Variants in ISOC2 observed in about 807,000 individuals in gnomAD.
The protein encoded by ISOC2 is isochorismatase domain-containing protein 2.
ISOC2 carries 15 observed loss-of-function variants against 19.3 expected under a neutral mutation model. That is an observed-to-expected ratio of 0.78 (90% CI 0.52 to 1.20). The LOEUF is 1.20. ISOC2 is among the 50% of genes most tolerant of loss of function. The pLI, the probability that ISOC2 is intolerant of heterozygous loss-of-function variation, is 0.00. For missense variants in ISOC2, 285 were observed against 272.4 expected, an observed-to-expected ratio of 1.05 and a Z score of -0.33; for synonymous variants, 106 against 115.8, an observed-to-expected ratio of 0.92 and a Z score of 0.54.
At chr19:55,460,254 A>G (rs536884903) in intron 1 of ISOC2, among the ~76,000 whole-genome samples, 2 of 152,340 alleles carry the variant, frequency 1.3e-5, no homozygotes, top group South Asian at 2.1e-4. Context: ...ATACGAAAAC[A>G]TGTTTGAGAG....
chr19:55,461,216 A>G (rs1340639255), intron 1 of ISOC2, among the ~76,000 whole-genome samples: 2 of 151,736 alleles, frequency 1.3e-5, no homozygotes, highest in Non-Finnish European at 2.9e-5. Flanking sequence ...CCGGCCTTGG[A>G]GCCCGGACTT....
At chr19:55,455,902 G>T (rs1226814540) in intron 2 of ISOC2, 57 bp from the exon 3 acceptor site, 1 of 1,378,752 alleles carries the variant, frequency 7.3e-7, no homozygotes, top group Non-Finnish European at 9.7e-7. Context: ...GCTGGGCCTG[G>T]ACTCCTGGGT....
chr19:55,453,399 A>AG lies in ISOC2; in HGVS notation c.538-12dup, dbSNP rs759943250. 8 of 1,590,650 alleles carry AG rather than the reference A, an allele frequency of 5.0e-6. No homozygotes were observed. In the African/African-American group the frequency reaches 9.4e-5, roughly 19 times the overall value. On this transcript the variant is annotated splice_polypyrimidine_tract_variant and intron_variant, in intron 5 of 5. Transcript: ENST00000425675. ...GATGAGTTTCTGGATCTGTAAGGGC[A>AG]GGGGGCGATGGGTCAGGAAGCGTCT... is the stretch of plus-strand genomic sequence containing the variant.
Position 55,455,124 on chromosome 19 carries a change from G to GCACCACTCTGTCTCATGCGGGCCA in ISOC2, c.420-19_420-18insTGGCCCGCATGAGACAGAGTGGTG. 1 of 1,584,138 alleles carries GCACCACTCTGTCTCATGCGGGCCA rather than the reference G, an allele frequency of 6.3e-7. No individual in the cohort carries two copies. The highest frequency in any genetic ancestry group is 8.7e-7 in the Non-Finnish European group (1 of 1,155,430). On this transcript the variant is annotated intron_variant, in intron 4 of 5. Coordinates refer to ENST00000425675, the MANE Select transcript of ISOC2 (RefSeq NM_001136201.2). ...CCACCTGGCTGTGAGTGGGAGGGAG[G>GCACCACTCTGTCTCATGCGGGCCA]GAGGGAAGGTTGGTGTGGACGCCGC...
At chr19:55,459,747 G>A (rs1375008846) in intron 1 of ISOC2, 1 of 152,148 alleles carries the variant, frequency 6.6e-6, no homozygotes, top group East Asian at 1.9e-4. Flanking sequence ...TTCCTCCCCT[G>A]TGCAGGAGGC....
In ISOC2 at chr19:55,453,395, G is replaced by A; in HGVS notation, c.538-7C>T. 1 of 1,592,720 alleles carries A rather than the reference G, an allele frequency of 6.3e-7. No individual in the cohort carries two copies. The highest frequency in any genetic ancestry group is 8.5e-7 in the Non-Finnish European group (1 of 1,170,348). The stretch of plus-strand genomic sequence containing the variant: ...CCTTGATGAGTTTCTGGATCTGTAA[G>A]GGCAGGGGGCGATGGGTCAGGAAGC... On this transcript the variant is annotated splice_region_variant and splice_polypyrimidine_tract_variant and intron_variant, in intron 5 of 5. Coordinates refer to ENST00000425675, the MANE Select transcript of ISOC2 (RefSeq NM_001136201.2).
At chr19:55,459,231 C>T (rs1020013834) in intron 1 of ISOC2, among the ~76,000 whole-genome samples, 2 of 152,226 alleles carry the variant, frequency 1.3e-5, no homozygotes, top group Non-Finnish European at 2.9e-5. Flanking sequence ...GCCACCGCGC[C>T]TGGCCTATTA....
Position 55,453,148 on chromosome 19 carries a change from GA to G in ISOC2, c.*159del, listed in dbSNP as rs1221747092. On this transcript the variant is annotated 3_prime_UTR_variant, in exon 6 of 6. Coordinates refer to ENST00000425675, the MANE Select transcript of ISOC2 (RefSeq NM_001136201.2). Reference sequence around the variant, plus strand: ...CCAGGAGTCTCATTTGCATTTCCGGGAGCAGCTGTCCAATGGGAAGGCAGCA... The same window carrying G: ...CCAGGAGTCTCATTTGCATTTCCGGGGCAGCTGTCCAATGGGAAGGCAGCA... 3 of 527,482 alleles carry G rather than the reference GA, an allele frequency of 5.7e-6. No individual in the cohort carries two copies. The highest frequency in any genetic ancestry group is 1.0e-5 in the Non-Finnish European group (3 of 296,118). The allele number at this position is 527,482 out of a possible 1,614,324, so 32.7% of individuals were successfully genotyped here. A position where few individuals can be genotyped will look rare whatever the true frequency, so the allele number is the denominator to read the frequency against.
At chr19:55,460,319 A>G (rs1986193959) in intron 1 of ISOC2, among the ~76,000 whole-genome samples, 1 of 152,226 alleles carries the variant, frequency 6.6e-6, no homozygotes. Context: ...GTGCCAAAGA[A>G]AAAAGGGAGA....
chr19:55,454,509 C>T, intron 5 of ISOC2: 1 of 160,952 alleles, frequency 6.2e-6, no homozygotes, highest in Non-Finnish European at 1.4e-5. Flanking sequence ...CCTGGCTGAC[C>T]CCGGTAGCAG....
Position 55,453,179 on chromosome 19 carries a change from G to GC in ISOC2, c.*128dup, listed in dbSNP as rs3214450. 244,682 of 538,260 alleles carry GC rather than the reference G, an allele frequency of 0.45. 55,364 individuals are homozygous for GC. The highest frequency in any genetic ancestry group is 0.58 in the East Asian group (16,103 of 27,774). The allele number at this position is 538,260 out of a possible 1,614,324, so 33.3% of individuals were successfully genotyped here. Reference sequence around the variant, plus strand: ...CTGTCCAATGGGAAGGCAGCACCCTGCCCCCCCCACAAGGGGGCGGCACTC... The same window carrying GC: ...CTGTCCAATGGGAAGGCAGCACCCTGCCCCCCCCCACAAGGGGGCGGCACTC... On this transcript the variant is annotated 3_prime_UTR_variant, in exon 6 of 6. Transcript: ENST00000425675.
chr19:55,460,358 A>C (rs959293258), intron 1 of ISOC2, among the ~76,000 whole-genome samples: 2 of 152,234 alleles, frequency 1.3e-5, no homozygotes, highest in African/African-American at 4.8e-5. Flanking sequence ...GCCTATATCT[A>C]TATCTGCTAT....
chr19:55,458,089 G>A (rs4801646), intron 1 of ISOC2, among the ~76,000 whole-genome samples: 150,481 of 151,324 alleles, frequency 0.99, 74,846 homozygotes, highest in African/African-American at 1. Flanking sequence ...AAGAAAAGAA[G>A]AGAAAGAAAA....
Position 55,455,070 on chromosome 19 carries a change from T to C in ISOC2, c.456A>G (p.Arg152=). The part of the protein sequence containing the change: ...VDRLVALARM[R]QSGAFLSTSE... ...TGGTGGAGAGGAAGGCACCACTCTG[T>C]CTCATGCGGGCCAGAGCCACCAGCC... Residue 152 remains arginine, a synonymous_variant, in exon 5 of 6, where the codon AGA becomes AGG. Coordinates refer to ENST00000425675, the MANE Select transcript of ISOC2 (RefSeq NM_001136201.2). The C allele has an allele frequency of 1.2e-6, 2 of 1,610,616 alleles. No individual in the cohort carries two copies. The highest frequency in any genetic ancestry group is 1.7e-6 in the Non-Finnish European group (2 of 1,178,992).
intron 2 of ISOC2, 165 bp from the exon 3 acceptor site, chr19:55,456,010 A>T: frequency 1.8e-6 from 1 of 556,852 alleles, no homozygotes; most frequent in East Asian, 3.2e-5. Flanking sequence ...CTATGCCTGG[A>T]CTCCTGAGTC....
chr19:55,454,971 C>G lies in ISOC2; in HGVS notation c.537+18G>C, dbSNP rs748982955. ...TTGACAGATGCAGGGGAGGTGGGGG[C>G]GGCCAGGCGGGCATTACCTCCTTGA... On this transcript the variant is annotated intron_variant, in intron 5 of 5. Transcript: ENST00000425675. The G allele has an allele frequency of 1.3e-6, 2 of 1,556,238 alleles. No individual in the cohort carries two copies. The highest frequency in any genetic ancestry group is 3.3e-5 in the Admixed American group (2 of 59,910).
intron 1 of ISOC2, among the ~76,000 whole-genome samples, chr19:55,460,253 C>T (rs993707749): frequency 1.3e-5 from 2 of 152,182 alleles, no homozygotes; most frequent in African/African-American, 4.8e-5. Context: ...AATACGAAAA[C>T]ATGTTTGAGA....
intron 1 of ISOC2, among the ~76,000 whole-genome samples, chr19:55,461,221 G>A (rs1986229311): frequency 6.6e-6 from 1 of 152,016 alleles, no homozygotes; most frequent in South Asian, 2.1e-4. Flanking sequence ...CTTGGAGCCC[G>A]GACTTCCTGG....
intron 3 of ISOC2, 77 bp downstream of exon 3, chr19:55,455,559 G>A (rs1986024344): frequency 1.5e-6 from 2 of 1,294,238 alleles, no homozygotes; most frequent in Non-Finnish European, 2.1e-6. Context: ...GAGGTTTCTG[G>A]TCAGGGAAGG....
Sources: allele counts gnomAD v4.1 joint callset (sites outside exome capture counted in the v4.1 genomes callset), GRCh38; gene constraint gnomAD v4.1.1; transcripts MANE v1.5; gene names NCBI Gene and HGNC (gene_info 2026-07-23, HGNC 2026-07-21).